The following KIR2DL4 variants were observed in gnomAD, a reference collection of about 807,000 sequenced individuals.
KIR2DL4 encodes killer cell immunoglobulin-like receptor 2DL4.
KIR2DL4 carries 41 observed loss-of-function variants against 31.0 expected under a neutral mutation model. The observed-to-expected ratio is 1.32, with a 90% CI of 1.03 to 1.72. The LOEUF (loss-of-function observed/expected upper bound fraction) is 1.72, where lower values mean the gene tolerates loss of function less well. Ranked by LOEUF, KIR2DL4 falls within the 40% of genes most tolerant of loss-of-function variation. The pLI is 0.00. For synonymous variants in KIR2DL4, 164 were observed against 133.6 expected (o/e 1.23, Z -1.57); for missense variants, 438 against 353.7 (o/e 1.24, Z -1.91).
intron 5 of KIR2DL4, chr19:54,813,091 G>T (rs1243864009): frequency 2.1e-6 from 3 of 1,419,948 alleles, no homozygotes; most frequent in Non-Finnish European, 2.9e-6. Flanking sequence ...AACTGCTATG[G>T]TTAGCTTCTT....
At position 54,808,885 on chromosome 19, in the gene KIR2DL4, T is replaced by A. The variant is rs1260845300; in HGVS notation, c.706+2T>A. 6.2e-7 allele frequency: 1 copy of A among 1,603,162 alleles called. No homozygotes were observed. The highest frequency in any genetic ancestry group is 1.4e-5 in the African/African-American group (1 of 73,588). On this transcript the variant is annotated splice_donor_variant, in intron 5 of 7. Coordinates refer to ENST00000359085, the Ensembl canonical transcript of KIR2DL4. LOFTEE classifies it high-confidence loss of function. The stretch of plus-strand genomic sequence containing the variant: ...CCACTGAACCAAGCTTCAAAACTGG[T>A]AAGTGAAGGACCCCTCTTATCTCTG...
At chr19:54,808,986 C>T in intron 5 of KIR2DL4, 103 bp downstream of exon 5, 1 of 941,520 alleles carries the variant, frequency 1.1e-6, no homozygotes, top group Non-Finnish European at 1.8e-6. Context: ...TGATTGTGGG[C>T]CTGTCTTCCA....
intron 2 of KIR2DL4, 143 bp from the exon 3 acceptor site, chr19:54,804,650 C>T (rs1244640993): frequency 2.0e-5 from 16 of 794,266 alleles, no homozygotes; most frequent in Admixed American, 1.3e-4. Flanking sequence ...CACGTCTATG[C>T]GGGATGGGTC....
chr19:54,813,440 G>T, intron 6 of KIR2DL4: 1 of 776,386 alleles, frequency 1.3e-6, no homozygotes. Flanking sequence ...CACGTCCCCT[G>T]CAGCCACTCA....
intron 2 of KIR2DL4, among the ~76,000 whole-genome samples, chr19:54,804,531 T>A (rs1243332174): frequency 6.6e-6 from 1 of 150,994 alleles, no homozygotes; most frequent in Non-Finnish European, 1.5e-5. Context: ...ACCCCATGTC[T>A]ACTTTGTGTT....
exon 7 of KIR2DL4, chr19:54,813,733 G>A: frequency 1.9e-6 from 3 of 1,611,906 alleles, no homozygotes; most frequent in Non-Finnish European, 2.5e-6. Flanking sequence ...ACAGAACAGT[G>A]AACAGGGAGG....
At chr19:54,806,330 G>A in intron 4 of KIR2DL4, 86 bp downstream of exon 4, 1 of 1,377,400 alleles carries the variant, frequency 7.3e-7, no homozygotes, top group Non-Finnish European at 1.0e-6. Context: ...GAGAAGCATG[G>A]ACAGATGTGG....
intron 2 of KIR2DL4, among the ~76,000 whole-genome samples, chr19:54,804,585 C>T (rs2060381541): frequency 2.0e-5 from 3 of 151,248 alleles, no homozygotes; most frequent in African/African-American, 7.3e-5. Context: ...TAGTAAGAGT[C>T]CCTTACTCAG....
chr19:54,812,240 C>A lies in KIR2DL4; in HGVS notation c.707-885C>A, dbSNP rs111786607. 7.0e-4 allele frequency among the ~76,000 whole-genome samples: 106 copies of A among 151,304 alleles called. 5 individuals carry two copies. Among genetic ancestry groups the A allele is most frequent in the African/African-American group, 2.0e-3 (83 of 40,978 alleles). On this transcript the variant is annotated intron_variant, in intron 5 of 7. Transcript: ENST00000359085. ...AGGTTCATTACTTATAGATAAGCAG[C>A]GAGTGACAACAGAAACCTTCCTTTC...
intron 5 of KIR2DL4, among the ~76,000 whole-genome samples, chr19:54,810,733 G>C (rs1182925619): frequency 6.6e-6 from 1 of 151,238 alleles, no homozygotes; most frequent in East Asian, 1.9e-4. Flanking sequence ...GCGTGTGTTT[G>C]ATACTCACAG....
exon 8 of KIR2DL4, chr19:54,813,907 G>C (rs1360735895): frequency 5.6e-6 from 9 of 1,612,186 alleles, no homozygotes; most frequent in African/African-American, 1.3e-5. Flanking sequence ...TTTTCACACA[G>C]AGAAAAATCA....
intron 4 of KIR2DL4, among the ~76,000 whole-genome samples, chr19:54,807,248 C>T (rs1182880805): frequency 6.6e-6 from 1 of 150,384 alleles, no homozygotes. Context: ...GTATGTACTA[C>T]TTTCTCTCTA....
At chr19:54,804,135 A>G (rs371120439) in intron 2 of KIR2DL4, among the ~76,000 whole-genome samples, 42 of 150,106 alleles carry the variant, frequency 2.8e-4, no homozygotes, top group African/African-American at 9.9e-4. Flanking sequence ...ATGAACTAGT[A>G]AGAGGAGATC....
intron 5 of KIR2DL4, among the ~76,000 whole-genome samples, chr19:54,811,347 A>G (rs1275647926): frequency 1.3e-5 from 2 of 151,234 alleles, no homozygotes; most frequent in African/African-American, 4.9e-5. Flanking sequence ...ACAGTGAGCC[A>G]AGATCGCGTC....
chr19:54,806,482 C>G (rs1411843978), intron 4 of KIR2DL4, among the ~76,000 whole-genome samples: 7 of 151,108 alleles, frequency 4.6e-5, no homozygotes, highest in African/African-American at 1.7e-4. Context: ...GTGGTCAGGA[C>G]AGACCCAGAG....
At chr19:54,805,203 T>C in intron 3 of KIR2DL4, 126 bp downstream of exon 3, 2 of 887,532 alleles carry the variant, frequency 2.3e-6, no homozygotes, top group South Asian at 3.3e-5. Flanking sequence ...GGGGATTGAA[T>C]ACAGGGGAAT....
intron 4 of KIR2DL4, among the ~76,000 whole-genome samples, chr19:54,808,230 G>A (rs1183741069): frequency 7.0e-6 from 1 of 142,694 alleles, no homozygotes; most frequent in African/African-American, 2.7e-5. Context: ...TTTTTTTGTT[G>A]TTGTTGTGAT....
At chr19:54,809,833 C>T (rs2060750184) in intron 5 of KIR2DL4, among the ~76,000 whole-genome samples, 1 of 151,102 alleles carries the variant, frequency 6.6e-6, no homozygotes, top group African/African-American at 2.4e-5. Flanking sequence ...TCTAGGATAC[C>T]CTCCTTTTAA....
Position 54,804,166 on chromosome 19 carries a change from T to A in KIR2DL4, c.76+240T>A, listed in dbSNP as rs1165396160. Among the ~76,000 whole-genome samples the A allele has an allele frequency of 9.6e-5, 12 of 125,072 alleles. 2 individuals carry two copies. The highest frequency in any genetic ancestry group is 1.9e-4 in the Non-Finnish European group (11 of 58,282). The allele number at this position is 125,072 out of a possible 152,430, so 82.1% of individuals were successfully genotyped here. On this transcript the variant is annotated intron_variant, in intron 2 of 7. Transcript: ENST00000359085. ...AGATCCTGGTATGCTCAGCCCTCTGTTTTGTCTTAGCCCTCCCCAGCCTTT... is the reference window on the plus strand; with the variant it reads ...AGATCCTGGTATGCTCAGCCCTCTGATTTGTCTTAGCCCTCCCCAGCCTTT...
Sources: gnomAD v4.1 joint callset for allele counts (sites outside exome capture counted in the v4.1 genomes callset) on GRCh38, gnomAD v4.1.1 for gene constraint, MANE v1.5 for transcripts, NCBI Gene and HGNC (gene_info 2026-07-23, HGNC 2026-07-21) for gene names.